DIAPH2: variants seen among roughly 807,000 people sequenced by gnomAD.
The protein encoded by DIAPH2 is diaphanous related formin 2, also known as protein diaphanous homolog 2.
Under a neutral mutation model 92.7 loss-of-function variants are expected in DIAPH2, and 35 were observed. The observed-to-expected ratio is 0.38, with a 90% confidence interval of 0.29 to 0.50. The LOEUF (loss-of-function observed/expected upper bound fraction) is 0.50. Ranked by LOEUF, DIAPH2 falls within the 20% of genes least tolerant of loss-of-function variation. The pLI is 0.94. For synonymous variants in DIAPH2, 301 were observed against 280.4 expected, an observed-to-expected ratio of 1.07 and a Z score of -0.73; for missense variants, 701 against 819.5, an observed-to-expected ratio of 0.86 and a Z score of 1.77.
intron 4 of DIAPH2, among the ~76,000 whole-genome samples, chrX:96,770,095 G>A (rs926531274): frequency 9.1e-6 from 1 of 110,088 alleles, no homozygotes; most frequent in Admixed American, 9.7e-5. Context: ...CTACTAGGGA[G>A]GCTGAGGCAG....
At chrX:97,196,943 C>T (rs1034177632) in intron 22 of DIAPH2, among the ~76,000 whole-genome samples, 2 of 109,580 alleles carry the variant, frequency 1.8e-5, no homozygotes, top group African/African-American at 6.6e-5. Flanking sequence ...TGTGCCACCA[C>T]GCCTGACTAA....
At chrX:97,386,794 T>C (rs780510682) in intron 25 of DIAPH2, among the ~76,000 whole-genome samples, 6 of 108,994 alleles carry the variant, frequency 5.5e-5, no homozygotes, top group East Asian at 5.7e-4. Context: ...TTCTTTCTTT[T>C]TTTTTTTTTT....
chrX:96,706,808 A>T (rs2063888006), intron 1 of DIAPH2, among the ~76,000 whole-genome samples: 1 of 111,313 alleles, frequency 9.0e-6, no homozygotes, highest in South Asian at 3.8e-4. Flanking sequence ...AAAAGTAGAG[A>T]TCTATATGTA....
intron 25 of DIAPH2, among the ~76,000 whole-genome samples, chrX:97,398,110 C>T (rs1390002295): frequency 8.9e-6 from 1 of 112,374 alleles, no homozygotes; most frequent in Non-Finnish European, 1.9e-5. Context: ...GTATATGAAA[C>T]TACCTCCCCT....
intron 7 of DIAPH2, 93 bp from the exon 8 acceptor site, chrX:96,916,345 T>C (rs1439945339): frequency 3.7e-6 from 3 of 808,009 alleles, no homozygotes; most frequent in African/African-American, 2.2e-5. Context: ...TGTGGGGGTA[T>C]GGGTTTTTGG....
chrX:96,908,804 T>G (rs2065450467), intron 5 of DIAPH2, among the ~76,000 whole-genome samples: 1 of 111,469 alleles, frequency 9.0e-6, no homozygotes, highest in Non-Finnish European at 1.9e-5. Flanking sequence ...TTTCACCGTG[T>G]TAGCCAGGAT....
intron 25 of DIAPH2, among the ~76,000 whole-genome samples, chrX:97,392,443 T>C (rs951529734): frequency 1.8e-5 from 2 of 111,895 alleles, no homozygotes; most frequent in Non-Finnish European, 3.8e-5. Context: ...TGCTGATACA[T>C]AATAGAGATT....
chrX:97,215,394 A>T (rs1178794088), intron 22 of DIAPH2, among the ~76,000 whole-genome samples: 2 of 112,082 alleles, frequency 1.8e-5, no homozygotes, highest in African/African-American at 3.2e-5. Flanking sequence ...ACTAAGAAGG[A>T]AATAGGTTCC....
At chrX:97,470,169 C>T (rs2070550240) in intron 26 of DIAPH2, among the ~76,000 whole-genome samples, 1 of 111,260 alleles carries the variant, frequency 9.0e-6, no homozygotes, top group Admixed American at 9.6e-5. Flanking sequence ...CTAGGGTAGC[C>T]ATGGTTTTTT....
intron 21 of DIAPH2, among the ~76,000 whole-genome samples, chrX:97,116,822 T>C (rs2067020201): frequency 8.9e-6 from 1 of 111,789 alleles, no homozygotes; most frequent in Admixed American, 9.5e-5. Context: ...AATGAATAAG[T>C]CATTTATACA....
rs938542947 is a variant in DIAPH2 at position 97,600,077 on chromosome X, A to G, written c.*760A>G. 14 of 112,895 alleles carry G rather than the reference A, an allele frequency of 1.2e-4. No individual in the cohort carries two copies. The highest frequency in any genetic ancestry group is 1.9e-5 in the Non-Finnish European group (1 of 53,261). The allele number at this position is 112,895 out of a possible 1,213,427, so 9.3% of individuals were successfully genotyped here. A position where few individuals can be genotyped will look rare whatever the true frequency, so the allele number is the denominator to read the frequency against. ...ATTTTCTAATTATGCACAGATATCT[A>G]CTTTATACAAATACTTTATATGGCT... is the stretch of plus-strand genomic sequence containing the variant. On this transcript the variant is annotated 3_prime_UTR_variant, in exon 27 of 27. Coordinates refer to ENST00000324765, the MANE Select transcript of DIAPH2 (RefSeq NM_006729.5).
chrX:97,028,219 A>G (rs183357155), intron 17 of DIAPH2, among the ~76,000 whole-genome samples: 1 of 111,203 alleles, frequency 9.0e-6, no homozygotes, highest in Admixed American at 9.5e-5. Context: ...TATGATGTCA[A>G]TATCCAGTGC....
At chrX:97,509,748 A>T (rs1395865416) in intron 26 of DIAPH2, among the ~76,000 whole-genome samples, 1 of 106,260 alleles carries the variant, frequency 9.4e-6, no homozygotes. Context: ...TATGAGTGAG[A>T]ACATGTGGTG....
intron 17 of DIAPH2, among the ~76,000 whole-genome samples, chrX:96,967,394 T>TCA (rs1193403384): frequency 1.7e-3 from 163 of 94,520 alleles, no homozygotes; most frequent in Non-Finnish European, 2.6e-3. Flanking sequence ...ATTTATTTAT[T>TCA]TATTCATTCA....
At position 96,963,154 on chromosome X, in the gene DIAPH2, A is replaced by AAT. The variant is rs781737023; in HGVS notation, c.1936-1935_1936-1934dup. Among the ~76,000 whole-genome samples, 128 of 111,065 alleles carry AAT rather than the reference A, an allele frequency of 1.2e-3. 1 individual carries two copies. Among genetic ancestry groups the AAT allele is most frequent in the African/African-American group, 3.9e-3 (119 of 30,535 alleles). On this transcript the variant is annotated intron_variant, in intron 16 of 26. Transcript: ENST00000324765. ...TTTCTTTTTTTCTTTTGGCACTTTA[A>AAT]ATATAGTGTCCCATTCTCTCTTGGC...
intron 4 of DIAPH2, among the ~76,000 whole-genome samples, chrX:96,836,710 T>TAC (rs2064892072): frequency 1.2e-4 from 3 of 25,486 alleles, no homozygotes; most frequent in African/African-American, 5.6e-4. Context: ...TATATATATA[T>TAC]ATATATATTT....
intron 5 of DIAPH2, among the ~76,000 whole-genome samples, chrX:96,901,532 G>GGTTT (rs1385495351): frequency 6.6e-4 from 22 of 33,093 alleles, no homozygotes; most frequent in African/African-American, 2.1e-3. Context: ...TTTTCTTTCT[G>GGTTT]TTTTTTTTTT....
intron 26 of DIAPH2, among the ~76,000 whole-genome samples, chrX:97,541,843 A>G (rs1235437666): frequency 1.8e-5 from 2 of 112,760 alleles, no homozygotes; most frequent in Middle Eastern, 4.2e-3. Flanking sequence ...TAACAAAAAC[A>G]AAGATAAACA....
At chrX:97,068,393 A>G (rs2066647007) in intron 17 of DIAPH2, among the ~76,000 whole-genome samples, 3 of 111,841 alleles carry the variant, frequency 2.7e-5, no homozygotes, top group African/African-American at 9.7e-5. Flanking sequence ...AACTACTACT[A>G]CTGCTGTTAT....
Sources: allele counts gnomAD v4.1 joint callset (sites outside exome capture counted in the v4.1 genomes callset), GRCh38; gene constraint gnomAD v4.1.1; transcripts MANE v1.5; gene names NCBI Gene and HGNC (gene_info 2026-07-23, HGNC 2026-07-21).